Variants in AKAIN1 observed in about 807,000 individuals in gnomAD.
AKAIN1 encodes the protein A-kinase anchor protein inhibitor 1.
Under a neutral mutation model 3.7 loss-of-function variants are expected in AKAIN1, and 3 were observed. The observed-to-expected ratio is 0.82, with a 90% CI of 0.37 to 2.12. The LOEUF (loss-of-function observed/expected upper bound fraction) is 2.12, where lower values mean the gene tolerates loss of function less well. AKAIN1 is among the 30% of genes most tolerant of loss of function. The probability of loss-of-function intolerance (pLI) is 0.06; values close to 1 mark genes in which losing one functional copy is unlikely to be tolerated. For synonymous variants in AKAIN1, 31 were observed against 30.8 expected (o/e 1.01, Z -0.02); for missense variants, 82 against 82.7 (o/e 0.99, Z 0.03).
chr18:5,189,814 C>T (rs2071309244), intron 1 of AKAIN1, among the ~76,000 whole-genome samples: 1 of 151,780 alleles, frequency 6.6e-6, no homozygotes, highest in African/African-American at 2.4e-5. Flanking sequence ...CACAGCAATA[C>T]AGACTTTTCT....
intron 1 of AKAIN1, among the ~76,000 whole-genome samples, chr18:5,159,685 T>C (rs1472304524): frequency 6.6e-6 from 1 of 152,176 alleles, no homozygotes; most frequent in Non-Finnish European, 1.5e-5. Flanking sequence ...ATTCATCTTA[T>C]TTTTTCATGA....
At chr18:5,145,847 A>C (rs1234971536) in intron 1 of AKAIN1, 92 bp from the exon 2 acceptor site, 4 of 1,089,428 alleles carry the variant, frequency 3.7e-6, no homozygotes, top group Non-Finnish European at 5.3e-6. Context: ...GGGAGGGAAG[A>C]GTGAGACTGT....
intron 1 of AKAIN1, among the ~76,000 whole-genome samples, chr18:5,186,585 A>T (rs1317568363): frequency 6.6e-6 from 1 of 152,104 alleles, no homozygotes; most frequent in Non-Finnish European, 1.5e-5. Context: ...AAAATCCTCA[A>T]TTTTTTCTAG....
At position 5,197,063 on chromosome 18, in the gene AKAIN1, C is replaced by T; in HGVS notation, c.-10G>A. The stretch of plus-strand genomic sequence containing the variant: ...CTGGAGCGAACACCATGATTTCTTC[C>T]AGCCGCTACGCCCCCAGATTAAGAG... On this transcript the variant is annotated 5_prime_UTR_variant, in exon 1 of 2. Coordinates refer to ENST00000434239, the MANE Select transcript of AKAIN1 (RefSeq NM_001145194.2). The surrounding 1 kb of genome is among the most constrained non-coding windows in gnomAD (Gnocchi z 6.9). 1.3e-6 allele frequency: 2 copies of T among 1,551,662 alleles called. No individual in the cohort carries two copies. The highest frequency in any genetic ancestry group is 2.0e-5 in the Admixed American group (1 of 51,000).
chr18:5,191,886 T>C (rs952372360), intron 1 of AKAIN1, among the ~76,000 whole-genome samples: 1 of 152,208 alleles, frequency 6.6e-6, no homozygotes, highest in Non-Finnish European at 1.5e-5. Flanking sequence ...TCATATTTCA[T>C]ATATATCTTA....
At chr18:5,177,034 C>T (rs967211403) in intron 1 of AKAIN1, among the ~76,000 whole-genome samples, 4 of 152,074 alleles carry the variant, frequency 2.6e-5, no homozygotes, top group Non-Finnish European at 5.9e-5. Flanking sequence ...GGCCAGTACC[C>T]AATGGAATCA....
intron 1 of AKAIN1, among the ~76,000 whole-genome samples, chr18:5,156,160 C>T (rs1232804205): frequency 6.6e-6 from 1 of 152,042 alleles, no homozygotes; most frequent in Non-Finnish European, 1.5e-5. Flanking sequence ...AGTTCCCGGG[C>T]ATGGTGAGGA....
upstream of AKAIN1, chr18:5,197,397 C>A: frequency 8.0e-7 from 1 of 1,248,728 alleles, no homozygotes. The surrounding 1 kb of genome is among the most constrained non-coding windows in gnomAD (Gnocchi z 6.9). Flanking sequence ...GTCGGAAGAG[C>A]AAGAGAGAGA....
At chr18:5,148,605 C>T (rs977149325) in intron 1 of AKAIN1, among the ~76,000 whole-genome samples, 4 of 152,162 alleles carry the variant, frequency 2.6e-5, no homozygotes, top group African/African-American at 9.7e-5. Context: ...GCTGTAATCC[C>T]AGCACTCTGG....
chr18:5,165,937 T>G (rs548536312), intron 1 of AKAIN1, among the ~76,000 whole-genome samples: 1 of 152,160 alleles, frequency 6.6e-6, no homozygotes, highest in Admixed American at 6.6e-5. Flanking sequence ...AACACTAACC[T>G]ACTAAGTGAC....
chr18:5,181,658 T>C (rs1299367365), intron 1 of AKAIN1, among the ~76,000 whole-genome samples: 1 of 152,138 alleles, frequency 6.6e-6, no homozygotes, highest in Non-Finnish European at 1.5e-5. Flanking sequence ...AGGAGTTATA[T>C]TAACTAACTC....
chr18:5,182,839 C>T (rs1479197892), intron 1 of AKAIN1, among the ~76,000 whole-genome samples: 1 of 152,084 alleles, frequency 6.6e-6, no homozygotes, highest in Non-Finnish European at 1.5e-5. Flanking sequence ...TCCAGGAGTA[C>T]ATGAAGAATC....
rs2071354491 is a variant in AKAIN1 at position 5,197,234 on chromosome 18, C to G, written c.-181G>C. 7.2e-7 allele frequency: 1 copy of G among 1,382,956 alleles called. No homozygotes were observed. The highest frequency in any genetic ancestry group is 9.3e-7 in the Non-Finnish European group (1 of 1,078,574). The allele number at this position is 1,382,956 out of a possible 1,614,324, so 85.7% of individuals were successfully genotyped here. A position where few individuals can be genotyped will look rare whatever the true frequency, so the allele number is the denominator to read the frequency against. On this transcript the variant is annotated 5_prime_UTR_variant, in exon 1 of 2. Coordinates refer to ENST00000434239, the MANE Select transcript of AKAIN1 (RefSeq NM_001145194.2). This position sits in a 1 kb window ranked among gnomAD's most constrained non-coding sequence, Gnocchi z 6.9. ...ATCCTGGGGCCGCAGCTCCAGCCGC[C>G]GCCGCGCGCTCTGCCTCCACAATGC...
At chr18:5,173,889 G>A (rs749153533) in intron 1 of AKAIN1, among the ~76,000 whole-genome samples, 17 of 152,054 alleles carry the variant, frequency 1.1e-4, no homozygotes, top group Admixed American at 6.6e-4. Flanking sequence ...AATTGCAGCC[G>A]CAAAAAGAGG....
Position 5,197,150 on chromosome 18 carries a change from G to A in AKAIN1, c.-97C>T. On this transcript the variant is annotated 5_prime_UTR_variant, in exon 1 of 2. Transcript: ENST00000434239. This position sits in a 1 kb window ranked among gnomAD's most constrained non-coding sequence, Gnocchi z 6.9. ...GACTTGGCGGGGTCCGGTGCAGGAG[G>A]GCGCGCTGGGCGGGCGGCGGGCGGG... 6.5e-7 allele frequency: 1 copy of A among 1,527,678 alleles called. No individual in the cohort carries two copies. Among genetic ancestry groups the A allele is most frequent in the Non-Finnish European group, 8.8e-7 (1 of 1,140,242 alleles). The allele number at this position is 1,527,678 out of a possible 1,614,324, so 94.6% of individuals were successfully genotyped here.
intron 1 of AKAIN1, 122 bp downstream of exon 1, chr18:5,196,916 A>T: frequency 1.1e-6 from 1 of 908,110 alleles, no homozygotes; most frequent in Non-Finnish European, 1.8e-6. Flanking sequence ...CCATGAGCAC[A>T]GACAGTAACT....
intron 1 of AKAIN1, among the ~76,000 whole-genome samples, chr18:5,148,387 G>A (rs1226269613): frequency 2.0e-5 from 3 of 152,170 alleles, no homozygotes; most frequent in Non-Finnish European, 4.4e-5. Flanking sequence ...GGGACCAAAA[G>A]AGAGCAAAAG....
At chr18:5,179,559 T>C (rs2143366421) in intron 1 of AKAIN1, among the ~76,000 whole-genome samples, 1 of 152,276 alleles carries the variant, frequency 6.6e-6, no homozygotes, top group South Asian at 2.1e-4. Context: ...GGTATCTTTT[T>C]GTTATAATGA....
At chr18:5,176,084 C>T (rs2071224573) in intron 1 of AKAIN1, among the ~76,000 whole-genome samples, 2 of 152,070 alleles carry the variant, frequency 1.3e-5, no homozygotes, top group Admixed American at 6.6e-5. Context: ...GAGAGAGGAA[C>T]AAAATCACCT....
Sources: gnomAD v4.1 joint callset for allele counts (sites outside exome capture counted in the v4.1 genomes callset) on GRCh38, gnomAD v4.1.1 for gene constraint, Gnocchi (gnomAD v3.1) non-coding constraint, MANE v1.5 for transcripts, NCBI Gene and HGNC (gene_info 2026-07-23, HGNC 2026-07-21) for gene names.